PARD3B: variants seen among roughly 807,000 people sequenced by gnomAD.
The protein encoded by PARD3B is par-3 family cell polarity regulator beta.
In PARD3B, 103 loss-of-function variants were observed where a neutral mutation model predicts 130.2. The observed-to-expected ratio is 0.79, with a 90% CI of 0.67 to 0.93. PARD3B has a LOEUF of 0.93. Among genes scored for constraint, PARD3B ranks in the 40% least tolerant of loss-of-function variants. PARD3B has a pLI of 0.00. For synonymous variants in PARD3B, 583 were observed against 553.2 expected, an observed-to-expected ratio of 1.05 and a Z score of -0.76; for missense variants, 1,609 against 1,499.2, an observed-to-expected ratio of 1.07 and a Z score of -1.21.
At chr2:205,552,657 C>A (rs1418596642) in intron 21 of PARD3B, among the ~76,000 whole-genome samples, 1 of 152,166 alleles carries the variant, frequency 6.6e-6, no homozygotes, top group South Asian at 2.1e-4. Flanking sequence ...AATCCACCCG[C>A]CTCTTGACCT....
At chr2:204,554,800 A>G (rs1055412341) in intron 1 of PARD3B, among the ~76,000 whole-genome samples, 3 of 152,182 alleles carry the variant, frequency 2.0e-5, no homozygotes, top group East Asian at 1.9e-4. Context: ...TGATCTGACT[A>G]TCTGTGCAGA....
intron 1 of PARD3B, among the ~76,000 whole-genome samples, chr2:204,685,588 T>A (rs778971288): frequency 6.6e-6 from 1 of 152,170 alleles, no homozygotes. Context: ...CTGAACACAG[T>A]TTGAGTTGCT....
chr2:204,785,319 C>T (rs1333512917), intron 2 of PARD3B, among the ~76,000 whole-genome samples: 1 of 152,056 alleles, frequency 6.6e-6, no homozygotes, highest in Non-Finnish European at 1.5e-5. Context: ...TAATCTGGCA[C>T]CTCTCTATCT....
At chr2:205,172,749 C>G (rs1357247900) in intron 12 of PARD3B, among the ~76,000 whole-genome samples, 1 of 152,134 alleles carries the variant, frequency 6.6e-6, no homozygotes, top group Non-Finnish European at 1.5e-5. Context: ...CATTGTAATG[C>G]AGTCAGCTCT....
chr2:204,584,857 C>G (rs1268144000), intron 1 of PARD3B, among the ~76,000 whole-genome samples: 1 of 152,170 alleles, frequency 6.6e-6, no homozygotes, highest in African/African-American at 2.4e-5. Context: ...GAATTTAAGA[C>G]AGGGCATTGT....
At chr2:205,063,568 C>T (rs1575680409) in intron 4 of PARD3B, among the ~76,000 whole-genome samples, 1 of 152,218 alleles carries the variant, frequency 6.6e-6, no homozygotes, top group East Asian at 1.9e-4. Flanking sequence ...AATTATAAAA[C>T]ACCCACAACT....
At chr2:204,765,480 T>G (rs1053736422) in intron 2 of PARD3B, among the ~76,000 whole-genome samples, 1 of 152,210 alleles carries the variant, frequency 6.6e-6, no homozygotes, top group African/African-American at 2.4e-5. Flanking sequence ...GTGACCATGA[T>G]TCCTCTAGAT....
intron 2 of PARD3B, among the ~76,000 whole-genome samples, chr2:204,773,544 T>A (rs1328142598): frequency 6.6e-6 from 1 of 152,212 alleles, no homozygotes; most frequent in Non-Finnish European, 1.5e-5. Context: ...ACTGTAATTT[T>A]ATGGAGGAAC....
chr2:205,107,434 A>G (rs781172198), intron 5 of PARD3B, among the ~76,000 whole-genome samples: 16 of 152,248 alleles, frequency 1.1e-4, no homozygotes, highest in Non-Finnish European at 1.9e-4. Flanking sequence ...ATTATTGTGA[A>G]GATTAAATGA....
At chr2:205,012,073 C>T (rs1695759275) in intron 3 of PARD3B, among the ~76,000 whole-genome samples, 1 of 152,146 alleles carries the variant, frequency 6.6e-6, no homozygotes, top group Non-Finnish European at 1.5e-5. Flanking sequence ...TCCTGGGTCC[C>T]TGCAACTTGG....
intron 20 of PARD3B, among the ~76,000 whole-genome samples, chr2:205,456,111 G>A (rs1363537450): frequency 1.3e-5 from 2 of 152,034 alleles, no homozygotes; most frequent in Non-Finnish European, 2.9e-5. Context: ...AGTTTTGTGG[G>A]TATCACTAGT....
chr2:205,337,128 C>A (rs1006312183), intron 18 of PARD3B, among the ~76,000 whole-genome samples: 7 of 152,086 alleles, frequency 4.6e-5, no homozygotes, highest in Non-Finnish European at 8.8e-5. Context: ...TAGACAATTC[C>A]AAATTTAGCA....
rs572985866 is a variant in PARD3B at position 205,019,128 on chromosome 2, C to T, written c.395-28453C>T. ...AAACCCTGTACTTCTTAGCAATACTCCCCAATTTCCCTACTGTCCAGCCCA... is the reference window on the plus strand; with the variant it reads ...AAACCCTGTACTTCTTAGCAATACTTCCCAATTTCCCTACTGTCCAGCCCA... On this transcript the variant is annotated intron_variant, in intron 3 of 22. Transcript: ENST00000406610. 5.3e-5 allele frequency among the ~76,000 whole-genome samples: 8 copies of T among 152,204 alleles called. No individual in the cohort carries two copies. The South Asian group carries it at 1.2e-3, about 24-fold the overall frequency.
intron 3 of PARD3B, among the ~76,000 whole-genome samples, chr2:204,973,573 C>CA (rs35677886): frequency 0.43 from 57,783 of 132,940 alleles, 11,651 homozygotes; most frequent in Admixed American, 0.55. Context: ...GATGGGCAGG[C>CA]AAAAAAAAAA....
intron 18 of PARD3B, among the ~76,000 whole-genome samples, chr2:205,378,348 A>G (rs909948835): frequency 6.6e-6 from 1 of 152,176 alleles, no homozygotes; most frequent in Non-Finnish European, 1.5e-5. Flanking sequence ...ATTCGAGGCC[A>G]TTGGAGGCCT....
At position 205,036,847 on chromosome 2, in the gene PARD3B, T is replaced by C. The variant is rs73054985; in HGVS notation, c.395-10734T>C. 6.5e-3 allele frequency among the ~76,000 whole-genome samples: 977 copies of C among 151,148 alleles called. 16 individuals are homozygous for C. Among genetic ancestry groups the C allele is most frequent in the African/African-American group, 0.023 (941 of 41,266 alleles). ...ACGGACTGTATGTACAAAAAACATATATAGTGGACTGTATATGTAAAGAAC... is the reference window on the plus strand; with the variant it reads ...ACGGACTGTATGTACAAAAAACATACATAGTGGACTGTATATGTAAAGAAC... On this transcript the variant is annotated intron_variant, in intron 3 of 22. Coordinates refer to ENST00000406610, the MANE Select transcript of PARD3B (RefSeq NM_001302769.2).
At chr2:205,496,998 C>A (rs1251101461) in intron 20 of PARD3B, among the ~76,000 whole-genome samples, 1 of 151,882 alleles carries the variant, frequency 6.6e-6, no homozygotes, top group Non-Finnish European at 1.5e-5. Context: ...GATACAGACA[C>A]CATGGTCATC....
At position 204,689,585 on chromosome 2, in the gene PARD3B, T is replaced by G. The variant is rs938228139; in HGVS notation, c.222+3303T>G. Reference sequence around the variant, plus strand: ...TCTCTGGTTGCTAAAGGCTACCAACTTAGTTCACCCAATAGTAACAACCTA... The same window carrying G: ...TCTCTGGTTGCTAAAGGCTACCAACGTAGTTCACCCAATAGTAACAACCTA... On this transcript the variant is annotated intron_variant, in intron 2 of 22. Transcript: ENST00000406610. This position sits in a 1 kb window ranked among gnomAD's most constrained non-coding sequence, Gnocchi z 5.2. Among the ~76,000 whole-genome samples, 2 of 152,152 alleles carry G rather than the reference T, an allele frequency of 1.3e-5. No homozygotes were observed. Among genetic ancestry groups the G allele is most frequent in the African/African-American group, 2.4e-5 (1 of 41,450 alleles).
chr2:205,463,797 G>A lies in PARD3B; in HGVS notation c.3044+23125G>A, dbSNP rs1387973551. On this transcript the variant is annotated intron_variant, in intron 20 of 22. Coordinates refer to ENST00000406610, the MANE Select transcript of PARD3B (RefSeq NM_001302769.2). This position sits in a 1 kb window ranked among gnomAD's most constrained non-coding sequence, Gnocchi z 4.8. ...AGCATTTTAACAAAGCAGCCTCCTC[G>A]AGGAAGGAAAGCCAGCCACCCTTCC... Among the ~76,000 whole-genome samples, 1 of 152,122 alleles carries A rather than the reference G, an allele frequency of 6.6e-6. No individual in the cohort carries two copies. The highest frequency in any genetic ancestry group is 2.4e-5 in the African/African-American group (1 of 41,440).
Sources: gnomAD v4.1 joint callset for allele counts (sites outside exome capture counted in the v4.1 genomes callset) on GRCh38, gnomAD v4.1.1 for gene constraint, Gnocchi (gnomAD v3.1) non-coding constraint, MANE v1.5 for transcripts, NCBI Gene and HGNC (gene_info 2026-07-23, HGNC 2026-07-21) for gene names.